Variants in GNAS observed in about 807,000 individuals in gnomAD.
GNAS encodes protein ALEX.
In GNAS, 8 loss-of-function variants were observed where a neutral mutation model predicts 54.5. The observed-to-expected ratio is 0.15, with a 90% CI of 0.09 to 0.26. The LOEUF is 0.26. GNAS is among the 10% of genes least tolerant of loss of function. GNAS has a pLI of 1.00. For missense variants in GNAS, 170 were observed against 529.8 expected (o/e 0.32, Z 6.67); for synonymous variants, 204 against 191.4 (o/e 1.07, Z -0.54).
intron 1 of GNAS, chr20:58,854,087 C>A (rs777608318): frequency 1.9e-6 from 3 of 1,612,178 alleles, no homozygotes; most frequent in Non-Finnish European, 2.5e-6. Flanking sequence ...ACGCGCCTCC[C>A]CTCTGGGTCC....
intron 1 of GNAS, among the ~76,000 whole-genome samples, chr20:58,886,355 TG>T (rs1284779078): frequency 2.6e-5 from 4 of 152,240 alleles, no homozygotes; most frequent in African/African-American, 9.6e-5. Flanking sequence ...TGATCTCAAC[TG>T]GCTGGCTTGG....
intron 1 of GNAS, among the ~76,000 whole-genome samples, chr20:58,879,488 G>A (rs2088076510): frequency 6.6e-6 from 1 of 152,118 alleles, no homozygotes. Context: ...AATCAATTTG[G>A]TCAAAAGTTC....
intron 1 of GNAS, among the ~76,000 whole-genome samples, chr20:58,859,118 A>G (rs141281155): frequency 4.5e-4 from 69 of 152,384 alleles, no homozygotes; most frequent in African/African-American, 1.6e-3. Context: ...TACTGTATGT[A>G]TCCTCCTAAC....
At chr20:58,889,630 T>A (rs1336056330), upstream of GNAS, 2 of 152,284 alleles carry the variant, frequency 1.3e-5, no homozygotes, top group Non-Finnish European at 2.9e-5. Context: ...TTTCTCGCTG[T>A]TGTTGGGTGC....
intron 3 of GNAS, chr20:58,900,225 C>A: frequency 1.9e-6 from 1 of 533,226 alleles, no homozygotes; most frequent in Non-Finnish European, 3.4e-6. Context: ...ATCTGCTGTA[C>A]CAAAAGTTGG....
At chr20:58,868,077 G>A (rs1004896824) in intron 1 of GNAS, among the ~76,000 whole-genome samples, 1 of 149,774 alleles carries the variant, frequency 6.7e-6, no homozygotes, top group Non-Finnish European at 1.5e-5. Context: ...CTGGAGTGAA[G>A]TGGCATGATC....
At chr20:58,860,906 C>T (rs1425947521) in intron 1 of GNAS, among the ~76,000 whole-genome samples, 4 of 152,198 alleles carry the variant, frequency 2.6e-5, no homozygotes, top group African/African-American at 9.7e-5. Context: ...AGGTGATCTG[C>T]CCACCTTGGC....
chr20:58,841,906 G>C lies in GNAS; in HGVS notation c.43+1020G>C, dbSNP rs1280845106. ...GCGGAACAAGGGACAGGCTGGAGAC[G>C]GGGGTCGCGTCTAACATCAGGATAA... On this transcript the variant is annotated intron_variant, in intron 1 of 12. Coordinates refer to the GNAS transcript ENST00000306090. The surrounding 1 kb of genome is among the most constrained non-coding windows in gnomAD (Gnocchi z 5.0). 10 of 1,227,880 alleles carry C rather than the reference G, an allele frequency of 8.1e-6. No individual in the cohort carries two copies. Among genetic ancestry groups the C allele is most frequent in the East Asian group, 6.3e-5 (2 of 31,702 alleles). 76.1% of individuals were successfully genotyped at this position (1,227,880 alleles called of 1,614,324 possible).
intron 1 of GNAS, among the ~76,000 whole-genome samples, chr20:58,893,660 T>A (rs1233896504): frequency 1.3e-5 from 2 of 152,236 alleles, no homozygotes; most frequent in African/African-American, 4.8e-5. Flanking sequence ...ATTTCAGTAA[T>A]TAAATGGTAC....
In GNAS at chr20:58,841,969, G is replaced by A. The variant is rs1199420637; in HGVS notation, c.43+1083G>A. ...TTCCAAAGAGCGCGGTACGCGCAGAGCTGGGGAAAGGTGTTGGATCCGGCG... is the reference window on the plus strand; with the variant it reads ...TTCCAAAGAGCGCGGTACGCGCAGAACTGGGGAAAGGTGTTGGATCCGGCG... On this transcript the variant is annotated intron_variant, in intron 1 of 12. Coordinates refer to the GNAS transcript ENST00000306090. The surrounding 1 kb of genome is among the most constrained non-coding windows in gnomAD (Gnocchi z 5.0). The A allele has an allele frequency of 1.3e-5, 14 of 1,086,774 alleles. No homozygotes were observed. The highest frequency in any genetic ancestry group is 8.5e-5 in the Admixed American group (2 of 23,536). 67.3% of individuals were successfully genotyped at this position (1,086,774 alleles called of 1,614,324 possible).
In GNAS at chr20:58,891,884, C is replaced by T. The variant is rs1477033752; in HGVS notation, c.139+19C>T. Reference sequence around the variant, plus strand: ...CTGCTGGGTAAGGGCGGGCGGGGGGCGCCGGCCCCGGCCCGGGGGCCCTCG... The same window carrying T: ...CTGCTGGGTAAGGGCGGGCGGGGGGTGCCGGCCCCGGCCCGGGGGCCCTCG... On this transcript the variant is annotated intron_variant, in intron 1 of 12. Coordinates refer to ENST00000371085, the MANE Select transcript of GNAS (RefSeq NM_000516.7). The T allele has an allele frequency of 2.6e-6, 3 of 1,137,426 alleles. No homozygotes were observed. The highest frequency in any genetic ancestry group is 3.3e-6 in the Non-Finnish European group (3 of 898,022). 70.5% of individuals were successfully genotyped at this position (1,137,426 alleles called of 1,614,324 possible).
At position 58,857,366 on chromosome 20, in the gene GNAS, A is replaced by T. The variant is rs1390870842; in HGVS notation, c.43+16480A>T. On this transcript the variant is annotated intron_variant, in intron 1 of 12. Coordinates refer to the GNAS transcript ENST00000306090. The surrounding 1 kb of genome is among the most constrained non-coding windows in gnomAD (Gnocchi z 4.1). ...GTCTCAACTACACTAAAGCTACCAA[A>T]CATTAAATGACAATGCACTGGTTTC... is the stretch of plus-strand genomic sequence containing the variant. Among the ~76,000 whole-genome samples, 1 of 152,208 alleles carries T rather than the reference A, an allele frequency of 6.6e-6. No homozygotes were observed. The highest frequency in any genetic ancestry group is 1.5e-5 in the Non-Finnish European group (1 of 68,028).
chr20:58,902,267 G>C (rs992668020), intron 3 of GNAS, among the ~76,000 whole-genome samples: 2 of 152,100 alleles, frequency 1.3e-5, no homozygotes, highest in African/African-American at 4.8e-5. Context: ...CTATAGACCT[G>C]ATGAGATACA....
chr20:58,907,535 G>T (rs73915944), intron 6 of GNAS, among the ~76,000 whole-genome samples: 3,320 of 152,296 alleles, frequency 0.022, 125 homozygotes, highest in African/African-American at 0.075. Context: ...TGAATGCTGG[G>T]GGGGCAGGGA....
At chr20:58,876,763 G>A (rs955325962) in intron 1 of GNAS, 1 of 152,182 alleles carries the variant, frequency 6.6e-6, no homozygotes, top group African/African-American at 2.4e-5. Context: ...CTAAGTCAAC[G>A]GGGAAAATCA....
At chr20:58,892,348 G>A (rs62205364) in intron 1 of GNAS, 5,077 of 188,184 alleles carry the variant, frequency 0.027, 86 homozygotes, top group Non-Finnish European at 0.036. Context: ...TGTTGGGAGA[G>A]GGAAAGAGGG....
chr20:58,842,553 A>T, intron 1 of GNAS: 1 of 398,646 alleles, frequency 2.5e-6, no homozygotes, highest in Non-Finnish European at 4.4e-6. Flanking sequence ...TCCCTAGTAA[A>T]TACGGAGAAA....
chr20:58,879,329 T>C (rs2088064989), intron 1 of GNAS, among the ~76,000 whole-genome samples: 1 of 152,224 alleles, frequency 6.6e-6, no homozygotes, highest in East Asian at 1.9e-4. Flanking sequence ...TTTGCTCTGG[T>C]CAATATCGAG....
At chr20:58,870,791 A>G (rs2087391014) in intron 1 of GNAS, among the ~76,000 whole-genome samples, 1 of 152,092 alleles carries the variant, frequency 6.6e-6, no homozygotes, top group Non-Finnish European at 1.5e-5. Flanking sequence ...TCTGGGGCCC[A>G]ACTGCCCACT....
Sources: gnomAD v4.1 joint callset for allele counts (sites outside exome capture counted in the v4.1 genomes callset) on GRCh38, gnomAD v4.1.1 for gene constraint, Gnocchi (gnomAD v3.1) non-coding constraint, MANE v1.5 for transcripts, NCBI Gene and HGNC (gene_info 2026-07-23, HGNC 2026-07-21) for gene names.